The following ZNF407 variants were observed in gnomAD, a reference collection of about 807,000 sequenced individuals.
ZNF407 encodes zinc finger protein 407.
ZNF407 carries 17 observed loss-of-function variants against 131.2 expected under a neutral mutation model. The ratio of observed to expected loss-of-function variants is 0.13; its 90% CI spans 0.09 to 0.19. The LOEUF (loss-of-function observed/expected upper bound fraction) is 0.19. Among genes scored for constraint, ZNF407 ranks in the 10% least tolerant of loss-of-function variants. ZNF407 has a pLI of 1.00. For synonymous variants in ZNF407, 1,156 were observed against 1,062.0 expected (o/e 1.09, Z -1.72); for missense variants, 2,681 against 2,830.6 (o/e 0.95, Z 1.20).
chr18:74,763,196 CTTTTTTTTTT>C lies in ZNF407; in HGVS notation c.4803-18214_4803-18205del, dbSNP rs71170316. Among the ~76,000 whole-genome samples, 18 of 17,780 alleles carry C rather than the reference CTTTTTTTTTT, an allele frequency of 1.0e-3. 1 individual carries two copies. In the East Asian group the frequency reaches 0.012, roughly 12 times the overall value. 11.7% of individuals were successfully genotyped at this position (17,780 alleles called of 152,430 possible). The stretch of plus-strand genomic sequence containing the variant: ...ATGATTTTGAGCATCTTCTTAGGAC[CTTTTTTTTTT>C]TTTTTTTTTTTTTTTTTGCCATGTG... On this transcript the variant is annotated intron_variant, in intron 3 of 8. Coordinates refer to ENST00000299687, the MANE Select transcript of ZNF407 (RefSeq NM_017757.3).
At chr18:74,638,475 T>G (rs1168762600) in intron 2 of ZNF407, among the ~76,000 whole-genome samples, 1 of 152,224 alleles carries the variant, frequency 6.6e-6, no homozygotes. Flanking sequence ...TTCATTCCTT[T>G]AAGATCTAAG....
chr18:74,857,629 C>T (rs1970877289), intron 4 of ZNF407, among the ~76,000 whole-genome samples: 1 of 151,898 alleles, frequency 6.6e-6, no homozygotes, highest in South Asian at 2.1e-4. Flanking sequence ...TTCAGAAATT[C>T]TCATCAAAAT....
chr18:74,766,674 A>G (rs1466403035), intron 3 of ZNF407, among the ~76,000 whole-genome samples: 5 of 152,236 alleles, frequency 3.3e-5, no homozygotes, highest in Admixed American at 2.0e-4. Context: ...TCTAGCCAAC[A>G]TGATGTACAT....
intron 4 of ZNF407, among the ~76,000 whole-genome samples, chr18:74,870,509 T>A (rs1163056540): frequency 2.0e-5 from 3 of 152,226 alleles, no homozygotes; most frequent in Non-Finnish European, 4.4e-5. Flanking sequence ...TAGGTCTTTG[T>A]GGCTTCTTAA....
rs1021300004 is a variant in ZNF407 at position 74,921,427 on chromosome 18, A to G, written c.5428+735A>G. Among the ~76,000 whole-genome samples, 3 of 152,206 alleles carry G rather than the reference A, an allele frequency of 2.0e-5. No individual in the cohort carries two copies. In the East Asian group the frequency reaches 5.8e-4, roughly 29 times the overall value. On this transcript the variant is annotated intron_variant, in intron 8 of 8. Transcript: ENST00000299687. ...TATGGGTGCGAGGACCTCTTTGAGG[A>G]GTAAATTTAGAGAAGCCTTCCAAGA...
chr18:74,631,377 T>C lies in ZNF407; in HGVS notation c.358T>C (p.Cys120Arg). ...AGGGAAGGAGACCTTTCTGAGTGAC[T>C]GCACAGTTGGAGGCACATGTCTCCC... ...ETGKETFLSD[C>R]TVGGTCLPNA... Residue 120 changes from cysteine to arginine, a missense_variant, in exon 2 of 9, where the codon TGC (cysteine) becomes CGC (arginine). Cys to Arg is a radical substitution (Grantham distance 180). Transcript: ENST00000299687. 6.2e-7 allele frequency: 1 copy of C among 1,614,028 alleles called. No individual in the cohort carries two copies. The highest frequency in any genetic ancestry group is 1.3e-5 in the African/African-American group (1 of 75,046).
In ZNF407 at chr18:74,881,086, C is replaced by A; in HGVS notation, c.5095C>A (p.His1699Asn). The change falls in exon 6 of 9, where the codon CAC (histidine) becomes AAC (asparagine). Residue 1699 changes from histidine to asparagine, a missense_variant. This residue lies in a region of ZNF407 where 213 missense variants were observed against 332.2 expected (regional missense o/e 0.64). Coordinates refer to ENST00000299687, the MANE Select transcript of ZNF407 (RefSeq NM_017757.3). ...DLCGFAGGTR[H>N]ALTKHRRQHT... ...CTGCGGCTTTGCCGGCGGGACCCGC[C>A]ACGCCCTCACCAAGCATCGCAGACA... 1 of 1,581,706 alleles carries A rather than the reference C, an allele frequency of 6.3e-7. No homozygotes were observed. The highest frequency in any genetic ancestry group is 1.8e-5 in the Admixed American group (1 of 56,444).
chr18:74,608,977 G>A (rs926329528), intron 1 of ZNF407, among the ~76,000 whole-genome samples: 2 of 150,692 alleles, frequency 1.3e-5, no homozygotes, highest in Non-Finnish European at 3.0e-5. Context: ...TTTTGATTTT[G>A]GTGCAGAAAG....
At chr18:75,012,961 A>G (rs1021148093) in intron 8 of ZNF407, among the ~76,000 whole-genome samples, 50 of 151,770 alleles carry the variant, frequency 3.3e-4, no homozygotes, top group Non-Finnish European at 5.9e-4. Context: ...AAAAAAAAAA[A>G]AAAAAGGGTT....
chr18:74,805,718 G>A (rs191328212), intron 4 of ZNF407, among the ~76,000 whole-genome samples: 1 of 152,074 alleles, frequency 6.6e-6, no homozygotes, highest in African/African-American at 2.4e-5. Context: ...TCTGTTAAAG[G>A]GTCTCCACCT....
At chr18:74,817,825 G>A (rs1276756475) in intron 4 of ZNF407, among the ~76,000 whole-genome samples, 1 of 152,132 alleles carries the variant, frequency 6.6e-6, no homozygotes, top group East Asian at 1.9e-4. Context: ...AGTGTGGGAT[G>A]CAAACTATTT....
intron 3 of ZNF407, among the ~76,000 whole-genome samples, chr18:74,644,970 A>AT (rs1984901376): frequency 1.3e-5 from 2 of 151,498 alleles, no homozygotes; most frequent in African/African-American, 4.8e-5. Context: ...CCACATTTAC[A>AT]TTTTTTTAAA....
intron 8 of ZNF407, among the ~76,000 whole-genome samples, chr18:75,009,346 T>G (rs760066479): frequency 6.6e-6 from 1 of 152,210 alleles, no homozygotes; most frequent in African/African-American, 2.4e-5. Flanking sequence ...TCAAAACTGA[T>G]TATTTTACAT....
intron 8 of ZNF407, among the ~76,000 whole-genome samples, chr18:75,020,052 T>G (rs1271804520): frequency 6.6e-6 from 1 of 152,180 alleles, no homozygotes; most frequent in Non-Finnish European, 1.5e-5. Context: ...TCAGATTGAC[T>G]GGTAACAGTG....
intron 3 of ZNF407, among the ~76,000 whole-genome samples, chr18:74,753,849 A>G (rs1968864984): frequency 6.6e-6 from 1 of 152,192 alleles, no homozygotes; most frequent in African/African-American, 2.4e-5. Flanking sequence ...AGGCTTTGAT[A>G]TCAGGATGAT....
intron 3 of ZNF407, among the ~76,000 whole-genome samples, chr18:74,765,071 G>T (rs1054605953): frequency 1.1e-4 from 17 of 152,106 alleles, no homozygotes; most frequent in African/African-American, 3.1e-4. Context: ...TTGTTCAAGG[G>T]TCATCTATAC....
At chr18:74,807,843 C>T (rs562433340) in intron 4 of ZNF407, among the ~76,000 whole-genome samples, 3 of 152,244 alleles carry the variant, frequency 2.0e-5, no homozygotes, top group African/African-American at 7.2e-5. Flanking sequence ...TCAGTACATA[C>T]TCACGGACAC....
At chr18:75,031,104 A>T (rs181900397) in intron 8 of ZNF407, among the ~76,000 whole-genome samples, 29 of 152,340 alleles carry the variant, frequency 1.9e-4, no homozygotes, top group South Asian at 1.4e-3. Flanking sequence ...CTCACCTGCA[A>T]GACCTCACAC....
intron 6 of ZNF407, among the ~76,000 whole-genome samples, chr18:74,885,524 G>T (rs1971296980): frequency 6.6e-6 from 1 of 152,118 alleles, no homozygotes; most frequent in Non-Finnish European, 1.5e-5. Context: ...CTTGAAATAA[G>T]TCACCAACAT....
Sources: allele counts gnomAD v4.1 joint callset (sites outside exome capture counted in the v4.1 genomes callset), GRCh38; gene constraint gnomAD v4.1.1; regional missense constraint gnomAD v4.1.1; transcripts MANE v1.5; gene names NCBI Gene and HGNC (gene_info 2026-07-23, HGNC 2026-07-21).